ELP4: variants seen among roughly 807,000 people sequenced by gnomAD.
ELP4 encodes the protein elongator complex protein 4.
A neutral mutation model predicts 48.9 loss-of-function variants in ELP4; 51 were observed. That is an observed-to-expected ratio of 1.04 (90% CI 0.83 to 1.32). The LOEUF (loss-of-function observed/expected upper bound fraction) is 1.32, where lower values mean the gene tolerates loss of function less well. Ranked by LOEUF, ELP4 falls within the 40% of genes most tolerant of loss-of-function variation. The probability of loss-of-function intolerance (pLI) is 0.00; values close to 1 mark genes in which losing one functional copy is unlikely to be tolerated. For missense variants in ELP4, 519 were observed against 514.6 expected, an observed-to-expected ratio of 1.01 and a Z score of -0.08; for synonymous variants, 210 against 189.2, an observed-to-expected ratio of 1.11 and a Z score of -0.90.
chr11:31,698,422 T>A (rs962713272), intron 9 of ELP4, among the ~76,000 whole-genome samples: 12 of 151,798 alleles, frequency 7.9e-5, no homozygotes, highest in Admixed American at 2.0e-4. Flanking sequence ...CATAGAAAAA[T>A]TTTTTTTTGA....
At chr11:31,624,018 C>T (rs921299715) in intron 5 of ELP4, among the ~76,000 whole-genome samples, 1 of 151,700 alleles carries the variant, frequency 6.6e-6, no homozygotes, top group Non-Finnish European at 1.5e-5. Flanking sequence ...GAGGTTTCAC[C>T]TCACACCTGT....
intron 9 of ELP4, among the ~76,000 whole-genome samples, chr11:31,742,794 A>G (rs1047046551): frequency 6.6e-6 from 1 of 152,198 alleles, no homozygotes; most frequent in African/African-American, 2.4e-5. Context: ...CACTGCAAAA[A>G]CATGCCAAAT....
chr11:31,602,550 T>G (rs1957802449), intron 4 of ELP4, among the ~76,000 whole-genome samples: 1 of 151,886 alleles, frequency 6.6e-6, no homozygotes, highest in East Asian at 1.9e-4. Flanking sequence ...AAAAAATAAA[T>G]GTCAAACCCA....
At chr11:31,634,168 A>G (rs1944924646) in intron 7 of ELP4, 1 of 152,024 alleles carries the variant, frequency 6.6e-6, no homozygotes, top group Non-Finnish European at 1.5e-5. Context: ...ACTATATCCT[A>G]TGTGTCCTGA....
intron 3 of ELP4, among the ~76,000 whole-genome samples, chr11:31,588,027 T>C (rs541779417): frequency 6.6e-6 from 1 of 152,102 alleles, no homozygotes; most frequent in East Asian, 2.0e-4. Context: ...CTTTCCAAAC[T>C]GTTTATATAC....
At chr11:31,552,395 C>T (rs1956867082) in intron 3 of ELP4, among the ~76,000 whole-genome samples, 1 of 152,218 alleles carries the variant, frequency 6.6e-6, no homozygotes, top group Admixed American at 6.5e-5. Flanking sequence ...CATCTAACTC[C>T]TGCAATTGTA....
At chr11:31,565,086 G>A (rs1336678085) in intron 3 of ELP4, among the ~76,000 whole-genome samples, 4 of 152,118 alleles carry the variant, frequency 2.6e-5, no homozygotes, top group Non-Finnish European at 5.9e-5. Flanking sequence ...GTGTGAGATG[G>A]TATCTCATTG....
rs150882379 is a variant in ELP4, at chr11:31,625,373, G to A, written c.654-1737G>A. Among the ~76,000 whole-genome samples, 74 of 151,818 alleles carry A rather than the reference G, an allele frequency of 4.9e-4. 1 individual carries two copies. The highest frequency in any genetic ancestry group is 1.9e-3 in the East Asian group (10 of 5,158). On this transcript the variant is annotated intron_variant, in intron 5 of 9. Transcript: ENST00000640961. ...TTTACACTCCCATGTTTACTATACC[G>A]TTATTCACAATAATCAACATATGGA... is the stretch of plus-strand genomic sequence containing the variant.
rs954619778 is a variant in ELP4 at position 31,544,209 on chromosome 11, C to T, written c.381+4426C>T. Among the ~76,000 whole-genome samples, 5 of 152,348 alleles carry T rather than the reference C, an allele frequency of 3.3e-5. No homozygotes were observed. In the South Asian group the frequency reaches 6.2e-4, roughly 19 times the overall value. On this transcript the variant is annotated intron_variant, in intron 3 of 9. Coordinates refer to ENST00000640961, the MANE Select transcript of ELP4 (RefSeq NM_019040.5). ...AAGCAGGGCGAGGCATTGCCTCACT[C>T]GGGAAGCGCAAAGGGTCAGGGAGTT...
rs550279259 is a variant in ELP4, at chr11:31,577,378, C to A, written c.382-17392C>A. On this transcript the variant is annotated intron_variant, in intron 3 of 9. Transcript: ENST00000640961. ...GGTACAAAGAGGAGCTGGTACCATT[C>A]CTTCTGAAACTATTCCAATCAATAG... Among the ~76,000 whole-genome samples the A allele has an allele frequency of 2.6e-5, 4 of 152,264 alleles. No homozygotes were observed. The South Asian group carries it at 6.2e-4, about 24-fold the overall frequency.
At chr11:31,560,743 T>TATATATATATAAAACAAC (rs1565053771) in intron 3 of ELP4, among the ~76,000 whole-genome samples, 4 of 150,794 alleles carry the variant, frequency 2.7e-5, no homozygotes, top group African/African-American at 9.7e-5. Flanking sequence ...AACATTGTTT[T>TATATATATATAAAACAAC]GTATATATAT....
At position 31,636,360 on chromosome 11, in the gene ELP4, T is replaced by C. The variant is rs565356974; in HGVS notation, c.927+3955T>C. Among the ~76,000 whole-genome samples the C allele has an allele frequency of 2.1e-3, 322 of 152,068 alleles. 2 individuals are homozygous for C. The highest frequency in any genetic ancestry group is 2.3e-3 in the South Asian group (11 of 4,826). On this transcript the variant is annotated intron_variant, in intron 7 of 9. Transcript: ENST00000640961. Reference sequence around the variant, plus strand: ...ATGTATAGATAATAAAATTGTGATATCTTTATTTGAGTGCATTATATAAAT... The same window carrying C: ...ATGTATAGATAATAAAATTGTGATACCTTTATTTGAGTGCATTATATAAAT...
intron 9 of ELP4, among the ~76,000 whole-genome samples, chr11:31,725,061 G>A (rs1223214472): frequency 4.6e-5 from 7 of 152,090 alleles, no homozygotes; most frequent in Non-Finnish European, 8.8e-5. Flanking sequence ...AAAAAGAGTG[G>A]GAATAGGCAT....
chr11:31,580,436 CTATCAGTTT>C (rs1448099684), intron 3 of ELP4, among the ~76,000 whole-genome samples: 2 of 152,140 alleles, frequency 1.3e-5, no homozygotes, highest in African/African-American at 4.8e-5. Flanking sequence ...ACATAGACCA[CTATCAGTTT>C]ATTCTTGTGG....
chr11:31,529,762 T>C (rs532639231), intron 2 of ELP4, among the ~76,000 whole-genome samples: 1 of 152,256 alleles, frequency 6.6e-6, no homozygotes, highest in South Asian at 2.1e-4. Context: ...ACAGTAATAG[T>C]ATTTCCAAAG....
chr11:31,765,656 A>G (rs1315497337), intron 9 of ELP4, among the ~76,000 whole-genome samples: 1 of 152,152 alleles, frequency 6.6e-6, no homozygotes, highest in African/African-American at 2.4e-5. Flanking sequence ...AAATAAATAG[A>G]GTGCAACAAT....
intron 1 of ELP4, among the ~76,000 whole-genome samples, chr11:31,518,064 C>T (rs1048300438): frequency 1.3e-5 from 2 of 151,830 alleles, no homozygotes; most frequent in Non-Finnish European, 1.5e-5. Context: ...AGTATAAGTA[C>T]TCAAATGTCT....
At chr11:31,602,463 T>A (rs1775250944) in intron 4 of ELP4, among the ~76,000 whole-genome samples, 2 of 151,996 alleles carry the variant, frequency 1.3e-5, no homozygotes, top group South Asian at 4.1e-4. Flanking sequence ...AAAGATTAGA[T>A]TGAAGCAAAC....
intron 2 of ELP4, among the ~76,000 whole-genome samples, chr11:31,532,537 G>A (rs568819725): frequency 2.0e-5 from 3 of 151,930 alleles, no homozygotes; most frequent in African/African-American, 7.3e-5. Context: ...AATTATCTAC[G>A]AGTACATATC....
Sources: allele counts gnomAD v4.1 joint callset (sites outside exome capture counted in the v4.1 genomes callset), GRCh38; gene constraint gnomAD v4.1.1; transcripts MANE v1.5; gene names NCBI Gene and HGNC (gene_info 2026-07-23, HGNC 2026-07-21).